Variants in DYNC1I1 observed in about 807,000 individuals in gnomAD.
The protein encoded by DYNC1I1 is cytoplasmic dynein 1 intermediate chain 1.
DYNC1I1 carries 43 observed loss-of-function variants against 86.6 expected under a neutral mutation model. The ratio of observed to expected loss-of-function variants is 0.50; its 90% CI spans 0.39 to 0.64. The LOEUF is 0.64. Among genes scored for constraint, DYNC1I1 ranks in the 30% least tolerant of loss-of-function variants. The probability of loss-of-function intolerance (pLI) is 0.00; values close to 1 mark genes in which losing one functional copy is unlikely to be tolerated. For synonymous variants in DYNC1I1, 262 were observed against 283.7 expected, an observed-to-expected ratio of 0.92 and a Z score of 0.77; for missense variants, 604 against 788.8, an observed-to-expected ratio of 0.77 and a Z score of 2.81.
intron 4 of DYNC1I1, among the ~76,000 whole-genome samples, chr7:95,821,395 G>A (rs777857046): frequency 6.6e-6 from 1 of 152,146 alleles, no homozygotes; most frequent in Non-Finnish European, 1.5e-5. Context: ...GGACGTCTGT[G>A]TGATTGCCTG....
chr7:96,067,466 T>C (rs13242714), intron 14 of DYNC1I1, among the ~76,000 whole-genome samples: 5,228 of 151,020 alleles, frequency 0.035, 64 homozygotes, highest in African/African-American at 0.058. Context: ...TTTTTTTATT[T>C]CTTCTTAAAG....
intron 2 of DYNC1I1, among the ~76,000 whole-genome samples, chr7:95,807,647 C>G (rs911597343): frequency 2.0e-5 from 3 of 152,114 alleles, no homozygotes; most frequent in African/African-American, 7.2e-5. Context: ...CCTACTTCTT[C>G]CTATCATCCT....
chr7:95,793,267 A>G (rs986280325), intron 1 of DYNC1I1, among the ~76,000 whole-genome samples: 4 of 152,074 alleles, frequency 2.6e-5, no homozygotes, highest in Non-Finnish European at 5.9e-5. Flanking sequence ...GGAGGACTTG[A>G]AAATTGGTTG....
At chr7:95,819,751 T>C (rs1435979191) in intron 4 of DYNC1I1, among the ~76,000 whole-genome samples, 1 of 152,120 alleles carries the variant, frequency 6.6e-6, no homozygotes, top group Non-Finnish European at 1.5e-5. Context: ...TAATTCAAGG[T>C]TGGTTAAAAG....
At chr7:95,992,224 T>A (rs1292930750) in intron 9 of DYNC1I1, among the ~76,000 whole-genome samples, 1 of 152,118 alleles carries the variant, frequency 6.6e-6, no homozygotes, top group Non-Finnish European at 1.5e-5. Flanking sequence ...GCTTTTTTAT[T>A]TGTCTTGTAG....
rs534288149 is a variant in DYNC1I1, at chr7:95,989,387, C to T, written c.843+2232C>T. ...AAGACAAGCAGGGTTTGCCCAACCA[C>T]TTTCCACCAGTGTGTGGGTGGTCTC... On this transcript the variant is annotated intron_variant, in intron 9 of 16. Transcript: ENST00000447467. 1.6e-4 allele frequency among the ~76,000 whole-genome samples: 24 copies of T among 152,340 alleles called. 1 individual carries two copies. The East Asian group carries it at 4.4e-3, about 28-fold the overall frequency.
intron 6 of DYNC1I1, among the ~76,000 whole-genome samples, chr7:95,932,593 T>C (rs995540770): frequency 1.3e-5 from 2 of 152,192 alleles, no homozygotes; most frequent in Non-Finnish European, 2.9e-5. Context: ...CTGCATATAT[T>C]AGAAACATGA....
chr7:96,062,023 C>T (rs1200404722), intron 14 of DYNC1I1, among the ~76,000 whole-genome samples: 1 of 152,174 alleles, frequency 6.6e-6, no homozygotes, highest in East Asian at 1.9e-4. Context: ...GTGCTTTAGA[C>T]CTCACTTTTT....
chr7:95,866,423 A>G (rs1790019663), intron 5 of DYNC1I1, among the ~76,000 whole-genome samples: 1 of 152,194 alleles, frequency 6.6e-6, no homozygotes, highest in African/African-American at 2.4e-5. Flanking sequence ...TTTTAAGTAT[A>G]GTTTCAAAGT....
At chr7:95,975,567 A>G (rs910551849) in intron 6 of DYNC1I1, among the ~76,000 whole-genome samples, 1 of 152,164 alleles carries the variant, frequency 6.6e-6, no homozygotes, top group Non-Finnish European at 1.5e-5. Context: ...TTATAACCTC[A>G]TTTGAACTAA....
chr7:95,797,648 G>T (rs1794474379), intron 1 of DYNC1I1, among the ~76,000 whole-genome samples: 1 of 152,166 alleles, frequency 6.6e-6, no homozygotes. Flanking sequence ...AGTACAAAAA[G>T]TTCATTGATT....
chr7:95,991,491 AC>A (rs779157861), intron 9 of DYNC1I1, among the ~76,000 whole-genome samples: 1 of 152,244 alleles, frequency 6.6e-6, no homozygotes, highest in East Asian at 1.9e-4. Context: ...AGCCCGAGGG[AC>A]CTCACCAACA....
chr7:95,821,939 T>C (rs780015366), intron 4 of DYNC1I1, among the ~76,000 whole-genome samples: 1 of 152,212 alleles, frequency 6.6e-6, no homozygotes, highest in Non-Finnish European at 1.5e-5. Context: ...ATCTCTTTCT[T>C]ATAGCCAAAG....
chr7:96,097,790 C>T lies in DYNC1I1; in HGVS notation c.*197C>T. On this transcript the variant is annotated 3_prime_UTR_variant, in exon 17 of 17. Transcript: ENST00000447467. ...TCCACTGACCCAAAATTCACCACAG[C>T]ATTTCTATCTTTATATTTCTGTCTC... 4 of 1,308,264 alleles carry T rather than the reference C, an allele frequency of 3.1e-6. No homozygotes were observed. Among genetic ancestry groups the T allele is most frequent in the Non-Finnish European group, 3.9e-6 (4 of 1,025,820 alleles). The allele number at this position is 1,308,264 out of a possible 1,614,324, so 81.0% of individuals were successfully genotyped here.
chr7:95,884,141 T>G (rs1289306886), intron 6 of DYNC1I1, among the ~76,000 whole-genome samples: 1 of 152,218 alleles, frequency 6.6e-6, no homozygotes, highest in African/African-American at 2.4e-5. Flanking sequence ...ATGACACTAC[T>G]GAGAAATGCA....
intron 6 of DYNC1I1, among the ~76,000 whole-genome samples, chr7:95,931,240 TC>T (rs1380909660): frequency 2.0e-5 from 3 of 151,662 alleles, no homozygotes; most frequent in African/African-American, 7.3e-5. Flanking sequence ...CCATTCCACC[TC>T]CCAGTTCAAG....
intron 14 of DYNC1I1, among the ~76,000 whole-genome samples, chr7:96,072,256 A>G (rs1790191150): frequency 6.6e-6 from 1 of 152,148 alleles, no homozygotes; most frequent in African/African-American, 2.4e-5. Context: ...GTGCCTGGAT[A>G]CTTTACCATT....
At chr7:96,034,971 T>C (rs1026357177) in intron 12 of DYNC1I1, among the ~76,000 whole-genome samples, 5 of 152,238 alleles carry the variant, frequency 3.3e-5, no homozygotes, top group Non-Finnish European at 5.9e-5. Flanking sequence ...AACTCAGCAG[T>C]ATATCTTTTA....
intron 6 of DYNC1I1, among the ~76,000 whole-genome samples, chr7:95,940,545 A>G (rs1405005190): frequency 6.6e-6 from 1 of 151,872 alleles, no homozygotes; most frequent in Non-Finnish European, 1.5e-5. Flanking sequence ...CATTTCATTC[A>G]TTTCATCTTC....
Sources: allele counts gnomAD v4.1 joint callset (sites outside exome capture counted in the v4.1 genomes callset), GRCh38; gene constraint gnomAD v4.1.1; transcripts MANE v1.5; gene names NCBI Gene and HGNC (gene_info 2026-07-23, HGNC 2026-07-21).